TMEM74B: variants seen among roughly 807,000 people sequenced by gnomAD.
The protein encoded by TMEM74B is transmembrane protein C20orf46.
A neutral mutation model predicts 6.5 loss-of-function variants in TMEM74B; 7 were observed. The ratio of observed to expected loss-of-function variants is 1.07; its 90% confidence interval spans 0.61 to 2.01. The LOEUF is 2.01. TMEM74B is among the 30% of genes most tolerant of loss of function. The pLI, the probability that TMEM74B is intolerant of heterozygous loss-of-function variation, is 0.00. For synonymous variants in TMEM74B, 151 were observed against 151.6 expected (o/e 1.00, Z 0.03); for missense variants, 342 against 337.0 (o/e 1.01, Z -0.12).
chr20:1,183,977 A>C, intron 1 of TMEM74B, 29 bp from the exon 2 acceptor site: 1 of 647,428 alleles, frequency 1.5e-6, no homozygotes, highest in Non-Finnish European at 2.6e-6. Context: ...GAAAAAAGAG[A>C]TGTGTTTGTT....
At position 1,181,110 on chromosome 20, in the gene TMEM74B, C is replaced by A; in HGVS notation, c.509G>T (p.Gly170Val). 1.2e-6 allele frequency: 2 copies of A among 1,614,040 alleles called. No individual in the cohort carries two copies. The highest frequency in any genetic ancestry group is 4.5e-5 in the East Asian group (2 of 44,876). Residue 170 changes from glycine (G) to valine (V), a missense_variant, in exon 3 of 3, where the codon GGC becomes GTC. Physicochemically the swap from Gly to Val is moderately radical, Grantham distance 109. Coordinates refer to ENST00000429036, the MANE Select transcript of TMEM74B (RefSeq NM_001304748.2). This position sits in a 1 kb window ranked among gnomAD's most constrained non-coding sequence, Gnocchi z 4.9. ...GATGATGCACCTGTCCAGGTGGGAG[C>A]CTAGGCGGGCGTAGTACATCTCCAG... The part of the protein sequence containing the change: ...ERLEMYYARL[G>V]SHLDRCIIAG...
Position 1,180,919 on chromosome 20 carries a change from C to A in TMEM74B, c.700G>T (p.Gly234Trp), listed in dbSNP as rs754545324. The change falls in exon 3 of 3, where the codon GGG becomes TGG. Residue 234 changes from glycine to tryptophan, a missense_variant. By Grantham distance (184) the Gly-to-Trp change is radical. Transcript: ENST00000429036. The surrounding 1 kb of genome is among the most constrained non-coding windows in gnomAD (Gnocchi z 6.1). ...NLRMRQLNGD[G>W]GQALVENEVV... is the part of the protein sequence containing the mutation. ...TCATTCTCCACCAGGGCCTGGCCCCCATCCCCATTGAGCTGTCTCATGCGC... is the reference window on the plus strand; with the variant it reads ...TCATTCTCCACCAGGGCCTGGCCCCAATCCCCATTGAGCTGTCTCATGCGC... The A allele has an allele frequency of 5.0e-6, 8 of 1,613,574 alleles. No individual in the cohort carries two copies. The East Asian group carries it at 1.3e-4, about 27-fold the overall frequency.
intron 2 of TMEM74B, among the ~76,000 whole-genome samples, chr20:1,183,077 C>T (rs2086914025): frequency 6.6e-6 from 1 of 152,152 alleles, no homozygotes; most frequent in Non-Finnish European, 1.5e-5. Flanking sequence ...CATTCCTAAT[C>T]CACAGCAGAA....
At chr20:1,183,976 G>GCT in intron 1 of TMEM74B, 28 bp from the exon 2 acceptor site, 1 of 650,554 alleles carries the variant, frequency 1.5e-6, no homozygotes, top group Non-Finnish European at 2.6e-6. Flanking sequence ...AGAAAAAAGA[G>GCT]ATGTGTTTGT....
intron 2 of TMEM74B, among the ~76,000 whole-genome samples, chr20:1,182,412 T>C (rs2086895702): frequency 6.6e-6 from 1 of 150,854 alleles, no homozygotes; most frequent in African/African-American, 2.4e-5. Flanking sequence ...CCGAGAGCCA[T>C]GCAGAGCTGA....
chr20:1,187,029 T>C (rs576896003), upstream of TMEM74B, among the ~76,000 whole-genome samples: 60 of 152,306 alleles, frequency 3.9e-4, 2 homozygotes, highest in South Asian at 6.4e-3. Flanking sequence ...CTTCCCTCAG[T>C]CATGCGCTGT....
upstream of TMEM74B, chr20:1,186,595 A>G (rs13042590): frequency 0.13 from 19,136 of 152,196 alleles, 1,445 homozygotes; most frequent in South Asian, 0.2. Flanking sequence ...GAAGTTGGCC[A>G]TGTGGAAGGA....
Position 1,181,189 on chromosome 20 carries a change from G to A in TMEM74B, c.430C>T (p.Pro144Ser), listed in dbSNP as rs761042980. ...ILLVVTAYAI[P>S]REARVNPDTV... ...TCCGGATTGACTCGAGCCTCACGGGGGATGGCGTATGCTGTCACCACCAGA... is the reference window on the plus strand; with the variant it reads ...TCCGGATTGACTCGAGCCTCACGGGAGATGGCGTATGCTGTCACCACCAGA... Residue 144 changes from proline to serine, a missense_variant, in exon 3 of 3, where the codon CCC becomes TCC. Transcript: ENST00000429036. The surrounding 1 kb of genome is among the most constrained non-coding windows in gnomAD (Gnocchi z 4.9). 6.2e-7 allele frequency: 1 copy of A among 1,614,190 alleles called. No individual in the cohort carries two copies. Among genetic ancestry groups the A allele is most frequent in the Non-Finnish European group, 8.5e-7 (1 of 1,180,028 alleles).
chr20:1,188,568 A>T (rs978492473), upstream of TMEM74B, among the ~76,000 whole-genome samples: 5 of 150,144 alleles, frequency 3.3e-5, no homozygotes, highest in African/African-American at 1.2e-4. Flanking sequence ...TGCACCACAC[A>T]CACCACACGC....
chr20:1,185,816 T>TC (rs1287443680), upstream of TMEM74B, among the ~76,000 whole-genome samples: 2 of 90,602 alleles, frequency 2.2e-5, no homozygotes, highest in Non-Finnish European at 4.5e-5. Flanking sequence ...CACTTCCCCT[T>TC]CCCCCCACCC....
In TMEM74B at chr20:1,184,776, T is replaced by G. The variant is rs537595932; in HGVS notation, c.-622A>C. ...GACGCACAGCGGCTGTGGGTGAAGC[T>G]TCACAAAACCCAGTCGATAGACACA... is the stretch of plus-strand genomic sequence containing the variant. On this transcript the variant is annotated 5_prime_UTR_variant, in exon 1 of 3. Coordinates refer to ENST00000429036, the MANE Select transcript of TMEM74B (RefSeq NM_001304748.2). This position sits in a 1 kb window ranked among gnomAD's most constrained non-coding sequence, Gnocchi z 6.0. 3 of 152,290 alleles carry G rather than the reference T, an allele frequency of 2.0e-5. No homozygotes were observed. The highest frequency in any genetic ancestry group is 2.1e-4 in the South Asian group (1 of 4,822). The allele number at this position is 152,290 out of a possible 1,614,324, so 9.4% of individuals were successfully genotyped here.
At position 1,184,912 on chromosome 20, in the gene TMEM74B, G is replaced by A. The variant is rs553328399; in HGVS notation, c.-758C>T. ...CCCCAGCACGCCGGCTGCCCACCGC[G>A]CCCGCTCCCGCCGGCCCAGTCCACA... On this transcript the variant is annotated 5_prime_UTR_variant, in exon 1 of 3. Transcript: ENST00000429036. This position sits in a 1 kb window ranked among gnomAD's most constrained non-coding sequence, Gnocchi z 6.0. Among the ~76,000 whole-genome samples the A allele has an allele frequency of 3.3e-5, 5 of 152,216 alleles. No homozygotes were observed. Among genetic ancestry groups the A allele is most frequent in the African/African-American group, 9.6e-5 (4 of 41,564 alleles).
chr20:1,184,949 T>A lies in TMEM74B; in HGVS notation c.-795A>T, dbSNP rs13036311. ...CGGCCCAGTCCACACCCCCTGCTCC[T>A]GCCCTTGCCCACAGACGCGGGACCC... is the stretch of plus-strand genomic sequence containing the variant. On this transcript the variant is annotated 5_prime_UTR_variant, in exon 1 of 3. Coordinates refer to ENST00000429036, the MANE Select transcript of TMEM74B (RefSeq NM_001304748.2). This position sits in a 1 kb window ranked among gnomAD's most constrained non-coding sequence, Gnocchi z 6.0. Among the ~76,000 whole-genome samples the A allele has an allele frequency of 6.6e-6, 1 of 152,102 alleles. No individual in the cohort carries two copies. The highest frequency in any genetic ancestry group is 1.5e-5 in the Non-Finnish European group (1 of 68,004).
chr20:1,182,195 A>AGGGAGGAGGGGGGGGGGGGGG (rs2086890218), intron 2 of TMEM74B, among the ~76,000 whole-genome samples: 1 of 107,716 alleles, frequency 9.3e-6, no homozygotes. Context: ...GGGGTGGGGG[A>AGGGAGGAGGGGGGGGGGGGGG]GGGGGTAGAA....
At chr20:1,189,083 A>G (rs755423585), upstream of TMEM74B, 5 of 152,228 alleles carry the variant, frequency 3.3e-5, no homozygotes, top group African/African-American at 4.8e-5. This position sits in a 1 kb window ranked among gnomAD's most constrained non-coding sequence, Gnocchi z 4.5. Flanking sequence ...CAACTCCAAC[A>G]GTCAAATCAC....
At chr20:1,182,030 G>A (rs1034157633) in intron 2 of TMEM74B, among the ~76,000 whole-genome samples, 8 of 152,190 alleles carry the variant, frequency 5.3e-5, no homozygotes, top group Non-Finnish European at 8.8e-5. Context: ...CAAGTGATGT[G>A]ACCTCTCCAG....
Position 1,181,062 on chromosome 20 carries a change from A to G in TMEM74B, c.557T>C (p.Val186Ala). The change falls in exon 3 of 3, where the codon GTG becomes GCG. Residue 186 changes from valine (V) to alanine (A), a missense_variant. Transcript: ENST00000429036. This position sits in a 1 kb window ranked among gnomAD's most constrained non-coding sequence, Gnocchi z 4.9. ...CIIAGLGLLT[V>A]GGMLLSVLLM... ...CAGCACCGACAAGAGCATGCCGCCCACCGTGAGCAGCCCGAGGCCTGCGAT... is the reference window on the plus strand; with the variant it reads ...CAGCACCGACAAGAGCATGCCGCCCGCCGTGAGCAGCCCGAGGCCTGCGAT... The G allele has an allele frequency of 6.2e-7, 1 of 1,613,556 alleles. No homozygotes were observed. The highest frequency in any genetic ancestry group is 8.5e-7 in the Non-Finnish European group (1 of 1,179,840).
chr20:1,188,228 G>A (rs1035130164), upstream of TMEM74B, among the ~76,000 whole-genome samples: 8 of 145,284 alleles, frequency 5.5e-5, no homozygotes, highest in African/African-American at 2.1e-4. Context: ...AGGCGAGAGG[G>A]CCTAGAAGCA....
chr20:1,187,932 T>A (rs1370186621), upstream of TMEM74B, among the ~76,000 whole-genome samples: 2 of 152,136 alleles, frequency 1.3e-5, no homozygotes, highest in African/African-American at 4.8e-5. Flanking sequence ...TTTTCCTCTT[T>A]TGCATGAGAA....
Sources: gnomAD v4.1 joint callset for allele counts (sites outside exome capture counted in the v4.1 genomes callset) on GRCh38, gnomAD v4.1.1 for gene constraint, Gnocchi (gnomAD v3.1) non-coding constraint, MANE v1.5 for transcripts, NCBI Gene and HGNC (gene_info 2026-07-23, HGNC 2026-07-21) for gene names.